Variants in EPN2 observed in about 807,000 individuals in gnomAD.
EPN2 encodes epsin-2.
In EPN2, 34 loss-of-function variants were observed where a neutral mutation model predicts 61.7. That is an observed-to-expected ratio of 0.55 (90% CI 0.42 to 0.73). The LOEUF (loss-of-function observed/expected upper bound fraction) is 0.73, where lower values mean the gene tolerates loss of function less well. EPN2 is among the 30% of genes least tolerant of loss of function. The probability of loss-of-function intolerance (pLI) is 0.00; values close to 1 mark genes in which losing one functional copy is unlikely to be tolerated. For missense variants in EPN2, 714 were observed against 839.2 expected, an observed-to-expected ratio of 0.85 and a Z score of 1.84; for synonymous variants, 349 against 353.6, an observed-to-expected ratio of 0.99 and a Z score of 0.15.
chr17:19,246,342 C>T (rs764257577), intron 1 of EPN2, among the ~76,000 whole-genome samples: 3 of 152,084 alleles, frequency 2.0e-5, no homozygotes, highest in Non-Finnish European at 4.4e-5. Context: ...GGCGACAGAG[C>T]GAGACTGTCT....
At position 19,312,067 on chromosome 17, in the gene EPN2, C is replaced by A. The variant is rs367626508; in HGVS notation, c.895C>A (p.Arg299=). The change falls in exon 6 of 11, where the codon CGG becomes AGG. Residue 299 remains arginine, a synonymous_variant. Transcript: ENST00000314728. ...CCCTCTACAGGAAGAACGCCTCAGG[C>A]GGGGTGATGACCTCAGATTACAGAT... ...EVAEQEERLR[R]GDDLRLQMAL... is the part of the protein sequence containing the mutation. The A allele has an allele frequency of 6.2e-7, 1 of 1,613,484 alleles. No individual in the cohort carries two copies. The highest frequency in any genetic ancestry group is 8.5e-7 in the Non-Finnish European group (1 of 1,179,364).
chr17:19,259,689 G>C (rs902282532), intron 1 of EPN2, among the ~76,000 whole-genome samples: 1 of 152,092 alleles, frequency 6.6e-6, no homozygotes, highest in Non-Finnish European at 1.5e-5. Context: ...CACTCTCCCT[G>C]TTCCCTGATT....
intron 1 of EPN2, among the ~76,000 whole-genome samples, chr17:19,252,987 C>A (rs2045031316): frequency 1.3e-5 from 2 of 152,138 alleles, no homozygotes. Context: ...AGGCATGAGC[C>A]ACCACACCCA....
intron 7 of EPN2, among the ~76,000 whole-genome samples, chr17:19,327,800 A>G (rs549392576): frequency 2.0e-5 from 3 of 152,318 alleles, no homozygotes; most frequent in East Asian, 3.9e-4. Context: ...AAGGAGAAAC[A>G]AGAGAAAGGC....
intron 4 of EPN2, among the ~76,000 whole-genome samples, chr17:19,294,994 C>T (rs1479038066): frequency 6.6e-6 from 1 of 152,118 alleles, no homozygotes; most frequent in East Asian, 1.9e-4. Context: ...GGAGGGAAGG[C>T]ATGCAGATAG....
chr17:19,302,925 G>A (rs888196938), intron 4 of EPN2, among the ~76,000 whole-genome samples: 2 of 152,314 alleles, frequency 1.3e-5, no homozygotes, highest in South Asian at 2.1e-4. Context: ...GATGACACTC[G>A]GCCTGGGGTC....
At position 19,253,743 on chromosome 17, in the gene EPN2, T is replaced by A. The variant is rs369486920; in HGVS notation, c.-294+16212T>A. On this transcript the variant is annotated intron_variant, in intron 1 of 10. Transcript: ENST00000314728. ...TAACTTGTCATTGCTTAATTTGAAA[T>A]ATGGTGATGTGCTGCCTGGATCAAA... is the stretch of plus-strand genomic sequence containing the variant. 1.3e-4 allele frequency among the ~76,000 whole-genome samples: 20 copies of A among 152,292 alleles called. No individual in the cohort carries two copies. In the East Asian group the frequency reaches 2.7e-3, roughly 21 times the overall value.
intron 4 of EPN2, among the ~76,000 whole-genome samples, chr17:19,301,456 G>T (rs1040417605): frequency 6.6e-6 from 1 of 152,188 alleles, no homozygotes; most frequent in Non-Finnish European, 1.5e-5. Flanking sequence ...GCTGATTCAG[G>T]AACCAGGTGT....
chr17:19,277,800 C>T (rs12325948), intron 1 of EPN2, among the ~76,000 whole-genome samples: 5,825 of 152,200 alleles, frequency 0.038, 365 homozygotes, highest in South Asian at 0.2. Flanking sequence ...TGGCCGGGCG[C>T]GGTGGCTCAC....
intron 7 of EPN2, among the ~76,000 whole-genome samples, chr17:19,323,178 A>G (rs1449507532): frequency 6.6e-5 from 10 of 152,142 alleles, no homozygotes; most frequent in Admixed American, 1.3e-4. Context: ...TAGTTAAATA[A>G]TAGTTATGGT....
At chr17:19,247,084 T>G (rs2044961295) in intron 1 of EPN2, among the ~76,000 whole-genome samples, 1 of 152,160 alleles carries the variant, frequency 6.6e-6, no homozygotes, top group Non-Finnish European at 1.5e-5. Flanking sequence ...GTGTGCCTTT[T>G]TGATACTCAG....
chr17:19,268,440 C>T (rs1424720824), intron 1 of EPN2, among the ~76,000 whole-genome samples: 3 of 152,140 alleles, frequency 2.0e-5, no homozygotes, highest in African/African-American at 4.8e-5. Context: ...TCACTGCAGC[C>T]TCAAACTCCT....
intron 7 of EPN2, 143 bp from the exon 8 acceptor site, chr17:19,328,568 G>A (rs549959865): frequency 1.9e-5 from 13 of 697,506 alleles, no homozygotes; most frequent in South Asian, 1.4e-4. Flanking sequence ...CTTTGCTGGC[G>A]TGGGACAGTA....
At chr17:19,253,287 A>G (rs2045034848) in intron 1 of EPN2, among the ~76,000 whole-genome samples, 1 of 152,060 alleles carries the variant, frequency 6.6e-6, no homozygotes, top group South Asian at 2.1e-4. Flanking sequence ...ATGTTGTAGC[A>G]TGGATCCAAA....
At chr17:19,259,818 G>A (rs1324490118) in intron 1 of EPN2, among the ~76,000 whole-genome samples, 1 of 152,190 alleles carries the variant, frequency 6.6e-6, no homozygotes, top group Non-Finnish European at 1.5e-5. Flanking sequence ...CTAAATGCCC[G>A]GAGGAAGGGA....
chr17:19,241,789 C>T (rs1410458037), intron 1 of EPN2, among the ~76,000 whole-genome samples: 1 of 151,946 alleles, frequency 6.6e-6, no homozygotes, highest in African/African-American at 2.4e-5. Flanking sequence ...GGGATTATCA[C>T]CCATTTGTGA....
intron 7 of EPN2, among the ~76,000 whole-genome samples, chr17:19,315,607 C>T (rs550154300): frequency 1.3e-5 from 2 of 152,238 alleles, no homozygotes; most frequent in South Asian, 2.1e-4. Flanking sequence ...CTGCTTCATC[C>T]TCCTGAGTAG....
chr17:19,242,132 G>GAAAAA (rs5819664), intron 1 of EPN2, among the ~76,000 whole-genome samples: 1 of 115,374 alleles, frequency 8.7e-6, no homozygotes, highest in Non-Finnish European at 2.0e-5. Flanking sequence ...TGTTTGATCT[G>GAAAAA]AAAAAAAAAA....
At chr17:19,237,791 C>G (rs994770570) in intron 1 of EPN2, among the ~76,000 whole-genome samples, 11 of 152,110 alleles carry the variant, frequency 7.2e-5, no homozygotes, top group Non-Finnish European at 8.8e-5. Context: ...GGATCTCCCC[C>G]CTTACCCGTC....
Sources: gnomAD v4.1 joint callset for allele counts (sites outside exome capture counted in the v4.1 genomes callset) on GRCh38, gnomAD v4.1.1 for gene constraint, MANE v1.5 for transcripts, NCBI Gene and HGNC (gene_info 2026-07-23, HGNC 2026-07-21) for gene names.